ESRRG: variants seen among roughly 807,000 people sequenced by gnomAD.
ESRRG encodes estrogen-related receptor gamma.
Under a neutral mutation model 44.0 loss-of-function variants are expected in ESRRG, and 13 were observed. That is an observed-to-expected ratio of 0.30 (90% CI 0.19 to 0.47). The LOEUF (loss-of-function observed/expected upper bound fraction) is 0.47. Ranked by LOEUF, ESRRG falls within the 20% of genes least tolerant of loss-of-function variation. The pLI, the probability that ESRRG is intolerant of heterozygous loss-of-function variation, is 1.00. For synonymous variants in ESRRG, 215 were observed against 214.6 expected, an observed-to-expected ratio of 1.00 and a Z score of -0.02; for missense variants, 395 against 580.6, an observed-to-expected ratio of 0.68 and a Z score of 3.29.
At chr1:216,727,845 T>TCTCAC (rs1292640654), upstream of ESRRG, among the ~76,000 whole-genome samples, 1 of 151,974 alleles carries the variant, frequency 6.6e-6, no homozygotes, top group Non-Finnish European at 1.5e-5. Flanking sequence ...GGAGCAACTG[T>TCTCAC]CTCACCGACA....
chr1:216,872,486 T>C (rs1484927903), intron 2 of ESRRG, among the ~76,000 whole-genome samples: 2 of 152,218 alleles, frequency 1.3e-5, no homozygotes, highest in Admixed American at 1.3e-4. Context: ...TGTTTATTTT[T>C]TCTCTCAGTC....
intron 1 of ESRRG, among the ~76,000 whole-genome samples, chr1:216,681,216 G>T (rs2076976207): frequency 6.6e-6 from 1 of 152,106 alleles, no homozygotes; most frequent in South Asian, 2.1e-4. Context: ...ACCTCTGAAT[G>T]AACCCCCTGA....
chr1:216,694,280 G>C (rs1411762604), intron 1 of ESRRG, among the ~76,000 whole-genome samples: 1 of 152,120 alleles, frequency 6.6e-6, no homozygotes. Context: ...CCATTTTAGG[G>C]TGAAGGAGGA....
At chr1:216,628,162 T>G (rs2063507749) in intron 3 of ESRRG, among the ~76,000 whole-genome samples, 1 of 152,216 alleles carries the variant, frequency 6.6e-6, no homozygotes, top group Non-Finnish European at 1.5e-5. Flanking sequence ...AAATATTAAT[T>G]CATGTCCTTT....
chr1:216,700,769 TGACATTTCCTTTA>T (rs960178869), intron 1 of ESRRG, among the ~76,000 whole-genome samples: 8 of 152,240 alleles, frequency 5.3e-5, no homozygotes, highest in African/African-American at 1.9e-4. Context: ...AGTTTTATTT[TGACATTTCCTTTA>T]ATATCAGAAA....
Position 217,050,866 on chromosome 1 carries a change from C to CT in ESRRG, c.-106+38640_-106+38641insA, listed in dbSNP as rs2085829900. Among the ~76,000 whole-genome samples, 4 of 152,106 alleles carry CT rather than the reference C, an allele frequency of 2.6e-5. No individual in the cohort carries two copies. In the South Asian group the frequency reaches 8.3e-4, roughly 32 times the overall value. ...AATGTCAGTACGGGCTATTAGAAGA[C>CT]CTTTCTAGGGCTCCAAATGATAAAA... is the stretch of plus-strand genomic sequence containing the variant. On this transcript the variant is annotated intron_variant, in intron 1 of 7. Transcript: ENST00000359162.
intron 1 of ESRRG, among the ~76,000 whole-genome samples, chr1:217,003,592 A>AATTAGTATTAAT (rs375985318): frequency 1.4e-5 from 2 of 148,146 alleles, no homozygotes; most frequent in African/African-American, 5.0e-5. Flanking sequence ...TATTAATATT[A>AATTAGTATTAAT]ATTAATATTA....
At chr1:216,740,230 C>A (rs1177310905) in intron 2 of ESRRG, among the ~76,000 whole-genome samples, 1 of 152,136 alleles carries the variant, frequency 6.6e-6, no homozygotes, top group Non-Finnish European at 1.5e-5. Flanking sequence ...TACAAAAAAT[C>A]TATTTGTCAA....
chr1:216,542,072 CAGAGAG>C (rs3040899), intron 5 of ESRRG, among the ~76,000 whole-genome samples: 8,688 of 139,776 alleles, frequency 0.062, 364 homozygotes, highest in East Asian at 0.19. Context: ...GTGTCTATGA[CAGAGAG>C]AGAGAGAGAG....
At chr1:216,619,776 A>C (rs990102736) in intron 3 of ESRRG, among the ~76,000 whole-genome samples, 7 of 152,174 alleles carry the variant, frequency 4.6e-5, no homozygotes, top group Non-Finnish European at 7.4e-5. Flanking sequence ...ATGCCTAAGG[A>C]ATTGACTTGA....
At chr1:216,525,307 C>T (rs1192292626) in intron 5 of ESRRG, among the ~76,000 whole-genome samples, 1 of 152,126 alleles carries the variant, frequency 6.6e-6, no homozygotes, top group Non-Finnish European at 1.5e-5. Context: ...AGACCATCTA[C>T]ACGGAGTGTG....
chr1:216,938,151 T>G (rs1225873003), intron 2 of ESRRG, among the ~76,000 whole-genome samples: 1 of 152,216 alleles, frequency 6.6e-6, no homozygotes, highest in Non-Finnish European at 1.5e-5. Context: ...AATCATATTT[T>G]AAATGCTCTG....
chr1:216,888,097 C>T (rs926173474), intron 2 of ESRRG, among the ~76,000 whole-genome samples: 2 of 152,016 alleles, frequency 1.3e-5, no homozygotes, highest in Admixed American at 1.3e-4. Context: ...TACTGAGGTC[C>T]TCTCATCAAA....
At chr1:216,815,183 T>C (rs1012271847) in intron 2 of ESRRG, among the ~76,000 whole-genome samples, 2 of 152,170 alleles carry the variant, frequency 1.3e-5, no homozygotes, top group African/African-American at 4.8e-5. Flanking sequence ...ACCAAAAGCA[T>C]TGCACACACT....
At chr1:216,510,003 G>A (rs556358417) in intron 6 of ESRRG, among the ~76,000 whole-genome samples, 15 of 152,244 alleles carry the variant, frequency 9.9e-5, no homozygotes, top group Non-Finnish European at 1.6e-4. Context: ...GTTCATGCTG[G>A]TTTCTTTTTA....
intron 1 of ESRRG, among the ~76,000 whole-genome samples, chr1:217,024,328 A>G (rs2080854131): frequency 6.6e-6 from 1 of 151,554 alleles, no homozygotes; most frequent in Non-Finnish European, 1.5e-5. Context: ...ACTGCACTCC[A>G]GCCTGAGCGA....
chr1:217,065,681 C>T (rs2089521513), intron 1 of ESRRG, among the ~76,000 whole-genome samples: 2 of 152,142 alleles, frequency 1.3e-5, no homozygotes, highest in Admixed American at 1.3e-4. Context: ...CAGTTCAGTC[C>T]CATATGGTTT....
At chr1:216,697,465 C>T (rs1032842012) in intron 1 of ESRRG, among the ~76,000 whole-genome samples, 1 of 152,096 alleles carries the variant, frequency 6.6e-6, no homozygotes, top group African/African-American at 2.4e-5. Flanking sequence ...AATGTTATAC[C>T]AAATGATTTC....
chr1:217,034,153 A>G (rs1242098159), intron 1 of ESRRG, among the ~76,000 whole-genome samples: 1 of 152,184 alleles, frequency 6.6e-6, no homozygotes, highest in Admixed American at 6.5e-5. Context: ...TTTACATATA[A>G]TAGATCCTCA....
Sources: allele counts gnomAD v4.1 joint callset (sites outside exome capture counted in the v4.1 genomes callset), GRCh38; gene constraint gnomAD v4.1.1; transcripts MANE v1.5; gene names NCBI Gene and HGNC (gene_info 2026-07-23, HGNC 2026-07-21).